Variants in SREBF2 observed in about 807,000 individuals in gnomAD.
SREBF2 encodes sterol regulatory element-binding protein 2.
In SREBF2, 55 loss-of-function variants were observed where a neutral mutation model predicts 113.1. The observed-to-expected ratio is 0.49, with a 90% CI of 0.39 to 0.61. The LOEUF (loss-of-function observed/expected upper bound fraction) is 0.61, where lower values mean the gene tolerates loss of function less well. Among genes scored for constraint, SREBF2 ranks in the 20% least tolerant of loss-of-function variants. The pLI is 0.00. For synonymous variants in SREBF2, 593 were observed against 605.7 expected, an observed-to-expected ratio of 0.98 and a Z score of 0.31; for missense variants, 1,349 against 1,487.4, an observed-to-expected ratio of 0.91 and a Z score of 1.53.
rs1229592604 is a variant in SREBF2 at position 41,880,983 on chromosome 22, C to T, written c.2029C>T (p.His677Tyr). The T allele has an allele frequency of 1.4e-5, 23 of 1,607,554 alleles. No homozygotes were observed. Among genetic ancestry groups the T allele is most frequent in the Non-Finnish European group, 1.9e-5 (22 of 1,179,892 alleles). ...ALAYHRLHQL[H>Y]ITGKLPAGSA... ...GGCCTATCACCGGCTGCACCAGCTG[C>T]ACATCACAGGTGAGGGGGCAGCTGC... The change falls in exon 10 of 19, where the codon CAC (histidine) becomes TAC (tyrosine). Residue 677 changes from histidine (H) to tyrosine (Y), a missense_variant. Around this residue, in one of 2 missense-constraint regions of SREBF2, gnomAD observed 650 missense variants for 644.1 expected, o/e 1.01. Transcript: ENST00000361204.
chr22:41,899,135 T>G (rs940042658), intron 15 of SREBF2: 269 of 913,782 alleles, frequency 2.9e-4, no homozygotes, highest in Middle Eastern at 4.7e-4. Context: ...CAGGCACTGG[T>G]GGTTCACAAT....
At chr22:41,896,649 G>A (rs745807222) in intron 13 of SREBF2, among the ~76,000 whole-genome samples, 2 of 152,184 alleles carry the variant, frequency 1.3e-5, no homozygotes, top group Admixed American at 1.3e-4. Flanking sequence ...GTGAGCCACC[G>A]TGCCCGGCCC....
At chr22:41,839,890 T>C (rs566710227) in intron 1 of SREBF2, among the ~76,000 whole-genome samples, 13 of 152,198 alleles carry the variant, frequency 8.5e-5, no homozygotes, top group African/African-American at 1.4e-4. Context: ...ATCTTCTACA[T>C]TTTTTGTTGT....
At chr22:41,871,161 A>T in intron 4 of SREBF2, 126 bp downstream of exon 4, 1 of 1,283,854 alleles carries the variant, frequency 7.8e-7, no homozygotes, top group South Asian at 1.4e-5. Flanking sequence ...AATCAGTCAA[A>T]TTGTAAATGT....
intron 11 of SREBF2, among the ~76,000 whole-genome samples, chr22:41,888,969 T>G (rs563438986): frequency 9.8e-5 from 15 of 152,322 alleles, no homozygotes; most frequent in African/African-American, 3.1e-4. Context: ...GAGCCAGTTG[T>G]TGGGGGCAAG....
intron 13 of SREBF2, among the ~76,000 whole-genome samples, 183 bp from the exon 14 acceptor site, chr22:41,896,869 G>A (rs1461084780): frequency 6.6e-6 from 1 of 152,158 alleles, no homozygotes; most frequent in East Asian, 1.9e-4. Context: ...CCAGAGACAC[G>A]GAGGAAGGAT....
At chr22:41,876,028 C>T (rs894612775) in intron 7 of SREBF2, among the ~76,000 whole-genome samples, 1 of 152,228 alleles carries the variant, frequency 6.6e-6, no homozygotes, top group African/African-American at 2.4e-5. Context: ...CTGCTGGAGG[C>T]ACCTCATTGC....
rs748444828 is a variant in SREBF2, at chr22:41,894,882, T to A, written c.2440T>A (p.Ser814Thr). 1.2e-6 allele frequency: 2 copies of A among 1,613,738 alleles called. No individual in the cohort carries two copies. Among genetic ancestry groups the A allele is most frequent in the Non-Finnish European group, 1.7e-6 (2 of 1,179,988 alleles). ...CKNLLERAIE[S>T]LVKPQAKKKA... ...GAACCTGCTGGAGCGAGCTATAGAG[T>A]CCTTGGTGAAACCTCAGGCCAAGAA... is the stretch of plus-strand genomic sequence containing the variant. Residue 814 changes from serine (S) to threonine (T), a missense_variant, in exon 13 of 19, where the codon TCC (serine) becomes ACC (threonine). By Grantham distance (58) the Ser-to-Thr change is moderately conservative (BLOSUM62 1). This residue lies in a region of SREBF2 where 650 missense variants were observed against 644.1 expected (regional missense o/e 1.01). Coordinates refer to ENST00000361204, the MANE Select transcript of SREBF2 (RefSeq NM_004599.4).
chr22:41,855,843 A>T (rs1195809747), intron 1 of SREBF2, among the ~76,000 whole-genome samples: 1 of 151,330 alleles, frequency 6.6e-6, no homozygotes, highest in Non-Finnish European at 1.5e-5. Context: ...TGCAGCCTTG[A>T]ACTCTGGCCT....
chr22:41,896,201 C>A (rs979770371), intron 13 of SREBF2, among the ~76,000 whole-genome samples: 1 of 151,996 alleles, frequency 6.6e-6, no homozygotes. Context: ...AAGGCAGACA[C>A]ATCTGGCCTG....
chr22:41,860,042 T>C (rs1370100189), intron 1 of SREBF2, among the ~76,000 whole-genome samples: 1 of 151,880 alleles, frequency 6.6e-6, no homozygotes, highest in East Asian at 1.9e-4. Context: ...CCTGACCTCA[T>C]GATCCGCCCG....
At chr22:41,904,643 T>C (rs2077490434) in intron 17 of SREBF2, 2 of 702,356 alleles carry the variant, frequency 2.8e-6, no homozygotes, top group East Asian at 2.8e-5. Context: ...CTTTTGCCTC[T>C]CTCTCCTCTC....
rs545773701 is a variant in SREBF2, at chr22:41,884,971, G to A, written c.2168G>A (p.Gly723Glu). The A allele has an allele frequency of 2.8e-4, 448 of 1,614,182 alleles. 5 individuals are homozygous for A. The South Asian group carries it at 3.8e-3, about 14-fold the overall frequency. The change falls in exon 11 of 19, where the codon GGG becomes GAG. Residue 723 changes from glycine (G) to glutamate (E), a missense_variant. Around this residue, in one of 2 missense-constraint regions of SREBF2, gnomAD observed 650 missense variants for 644.1 expected, o/e 1.01. Coordinates refer to ENST00000361204, the MANE Select transcript of SREBF2 (RefSeq NM_004599.4). The part of the protein sequence containing the change: ...LVEIHLTAAM[G>E]LKTRCGGKLG... ...GAGATCCATCTGACTGCTGCCATGG[G>A]GCTCAAGACCCGGTGTGGAGGCAAG...
chr22:41,888,088 T>C lies in SREBF2; in HGVS notation c.2208+3077T>C, dbSNP rs908119945. On this transcript the variant is annotated intron_variant, in intron 11 of 18. Transcript: ENST00000361204. ...CAGATACCTTCTCCCACTCTGGGGC[T>C]TGCCTGTTCTGTCTTAATGGTGTCT... Among the ~76,000 whole-genome samples the C allele has an allele frequency of 6.6e-5, 10 of 152,366 alleles. No homozygotes were observed. In the East Asian group the frequency reaches 1.7e-3, roughly 26 times the overall value.
intron 1 of SREBF2, among the ~76,000 whole-genome samples, chr22:41,838,192 C>T (rs1373930777): frequency 6.6e-6 from 1 of 152,038 alleles, no homozygotes; most frequent in African/African-American, 2.4e-5. Flanking sequence ...TTGCTGGGTC[C>T]AAATAGATGG....
At chr22:41,892,343 G>A (rs529071703) in intron 11 of SREBF2, among the ~76,000 whole-genome samples, 1 of 152,292 alleles carries the variant, frequency 6.6e-6, no homozygotes, top group South Asian at 2.1e-4. Context: ...TAGTCTAAAA[G>A]ATATGTAATT....
chr22:41,899,375 G>A lies in SREBF2; in HGVS notation c.2738+594G>A, dbSNP rs1485922766. On this transcript the variant is annotated intron_variant, in intron 15 of 18. Transcript: ENST00000361204. ...CGTCTTGGGGGCATTCGGCACTAGTGATGGGCAGCCCTGCCTGCTGACTCC... is the reference window on the plus strand; with the variant it reads ...CGTCTTGGGGGCATTCGGCACTAGTAATGGGCAGCCCTGCCTGCTGACTCC... 5 of 1,009,908 alleles carry A rather than the reference G, an allele frequency of 5.0e-6. No homozygotes were observed. The African/African-American group carries it at 5.2e-5, about 10-fold the overall frequency. The allele number at this position is 1,009,908 out of a possible 1,614,324, so 62.6% of individuals were successfully genotyped here.
rs575981948 is a variant in SREBF2 at position 41,898,637 on chromosome 22, G to A, written c.2606-12G>A. 2.0e-5 allele frequency: 32 copies of A among 1,613,746 alleles called. No homozygotes were observed. Among genetic ancestry groups the A allele is most frequent in the Non-Finnish European group, 2.6e-5 (31 of 1,179,950 alleles). On this transcript the variant is annotated splice_polypyrimidine_tract_variant and intron_variant, in intron 14 of 18. Transcript: ENST00000361204. ...TGGGTGCTGGAGTGCGTTTGGTGCTGTTCTCCTCTAGGTCCAGACATCATC... is the reference window on the plus strand; with the variant it reads ...TGGGTGCTGGAGTGCGTTTGGTGCTATTCTCCTCTAGGTCCAGACATCATC...
intron 1 of SREBF2, among the ~76,000 whole-genome samples, chr22:41,864,142 G>A (rs2077049048): frequency 6.8e-6 from 1 of 147,088 alleles, no homozygotes. Context: ...GCCTCCCAAA[G>A]TGCTGGGATT....
Sources: gnomAD v4.1 joint callset for allele counts (sites outside exome capture counted in the v4.1 genomes callset) on GRCh38, gnomAD v4.1.1 for gene constraint, gnomAD v4.1.1 regional missense constraint, MANE v1.5 for transcripts, NCBI Gene and HGNC (gene_info 2026-07-23, HGNC 2026-07-21) for gene names.